The following ANKEF1 variants were observed in gnomAD, a reference collection of about 807,000 sequenced individuals.
The protein encoded by ANKEF1 is ankyrin repeat and EF-hand domain-containing protein 1.
In ANKEF1, 43 loss-of-function variants were observed where a neutral mutation model predicts 65.1. The ratio of observed to expected loss-of-function variants is 0.66; its 90% CI spans 0.52 to 0.85. The LOEUF (loss-of-function observed/expected upper bound fraction) is 0.85. Ranked by LOEUF, ANKEF1 falls within the 40% of genes least tolerant of loss-of-function variation. ANKEF1 has a pLI of 0.00. For synonymous variants in ANKEF1, 316 were observed against 341.5 expected (o/e 0.93, Z 0.82); for missense variants, 934 against 952.9 (o/e 0.98, Z 0.26).
At chr20:10,054,662 C>T in intron 10 of ANKEF1, 63 bp downstream of exon 10, 1 of 1,497,000 alleles carries the variant, frequency 6.7e-7, no homozygotes, top group Non-Finnish European at 9.0e-7. Flanking sequence ...TTTTCAAAAG[C>T]TTTTTATGTA....
chr20:10,053,333 G>A (rs1193532398), intron 9 of ANKEF1, 58 bp downstream of exon 9: 4 of 1,499,784 alleles, frequency 2.7e-6, no homozygotes, highest in Admixed American at 2.2e-5. Context: ...ATCTGTTTGG[G>A]GGAAGGCAGA....
chr20:10,047,571 G>A (rs541043231), intron 6 of ANKEF1, among the ~76,000 whole-genome samples: 7 of 152,140 alleles, frequency 4.6e-5, no homozygotes, highest in African/African-American at 9.6e-5. Flanking sequence ...GTCCTCTTTC[G>A]CCCCCTCGTC....
rs1056398348 is a variant in ANKEF1 at position 10,049,511 on chromosome 20, C to T, written c.942C>T (p.Ala314=). ...CAGAGAGAATCGCTAATAAACTAGC[C>T]AGGCCAGGAGCCAAAAATCCAAATC... ...RRAERIANKL[A]RPGAKNPNPL... is the part of the protein sequence containing the mutation. Residue 314 remains alanine (A), a synonymous_variant, in exon 7 of 11, where the codon GCC becomes GCT. Transcript: ENST00000378392. 6.2e-7 allele frequency: 1 copy of T among 1,614,128 alleles called. No homozygotes were observed. The highest frequency in any genetic ancestry group is 1.6e-4 in the Middle Eastern group (1 of 6,062).
At position 10,056,573 on chromosome 20, in the gene ANKEF1, G is replaced by A. The variant is rs2122293146; in HGVS notation, c.*913G>A. ...CAAATAATTGGTTTACATAATTTTG[G>A]GCCCCAGATGGTTAAGTGCTAAATT... is the stretch of plus-strand genomic sequence containing the variant. On this transcript the variant is annotated 3_prime_UTR_variant, in exon 11 of 11. Coordinates refer to ENST00000378392, the MANE Select transcript of ANKEF1 (RefSeq NM_022096.6). 6.6e-6 allele frequency: 1 copy of A among 151,754 alleles called. No individual in the cohort carries two copies. Among genetic ancestry groups the A allele is most frequent in the Non-Finnish European group, 1.5e-5 (1 of 67,896 alleles). 9.4% of individuals were successfully genotyped at this position (151,754 alleles called of 1,614,324 possible). A position where few individuals can be genotyped will look rare whatever the true frequency, so the allele number is the denominator to read the frequency against.
At chr20:10,053,891 A>G (rs771828654) in intron 9 of ANKEF1, among the ~76,000 whole-genome samples, 2 of 152,192 alleles carry the variant, frequency 1.3e-5, no homozygotes, top group African/African-American at 4.8e-5. Context: ...GTTGTTGCCC[A>G]TGGGAGTTAC....
In ANKEF1 at chr20:10,049,866, C is replaced by A; in HGVS notation, c.1297C>A (p.Leu433Ile). ...AAAGAAAGGGAAATTTGTCTTACCC[C>A]TTCCAATCTGTGTCATTCCTGAGTA... ...KGKKGKFVLP[L>I]PICVIPEYAF... The change falls in exon 7 of 11, where the codon CTT becomes ATT. Residue 433 changes from leucine to isoleucine, a missense_variant. Leu to Ile is a conservative substitution (Grantham distance 5). Coordinates refer to ENST00000378392, the MANE Select transcript of ANKEF1 (RefSeq NM_022096.6). 6.2e-7 allele frequency: 1 copy of A among 1,614,150 alleles called. No individual in the cohort carries two copies. Among genetic ancestry groups the A allele is most frequent in the Non-Finnish European group, 8.5e-7 (1 of 1,180,020 alleles).
chr20:10,055,931 GTCAAAAGATTT>G lies in ANKEF1; in HGVS notation c.*272_*282del. 2.8e-6 allele frequency: 1 copy of G among 360,368 alleles called. No individual in the cohort carries two copies. The allele number at this position is 360,368 out of a possible 1,614,324, so 22.3% of individuals were successfully genotyped here. On this transcript the variant is annotated 3_prime_UTR_variant, in exon 11 of 11. Coordinates refer to ENST00000378392, the MANE Select transcript of ANKEF1 (RefSeq NM_022096.6). ...TGGCATGTGGGTTATAAACGTTGCT[GTCAAAAGATTT>G]ACCAGGTCTACACCATTATGCTTAT...
At chr20:10,045,553 T>C in intron 5 of ANKEF1, 21 bp from the exon 6 acceptor site, 9 of 1,611,502 alleles carry the variant, frequency 5.6e-6, no homozygotes, top group Non-Finnish European at 7.6e-6. Context: ...TCCTCCACAA[T>C]ATCCACTATT....
Position 10,044,397 on chromosome 20 carries a change from A to G in ANKEF1, c.550A>G (p.Thr184Ala). 1 of 1,613,976 alleles carries G rather than the reference A, an allele frequency of 6.2e-7. No homozygotes were observed. Among genetic ancestry groups the G allele is most frequent in the Non-Finnish European group, 8.5e-7 (1 of 1,179,902 alleles). The change falls in exon 5 of 11, where the codon ACA (threonine) becomes GCA (alanine). Residue 184 changes from threonine to alanine, a missense_variant. Thr to Ala is a moderately conservative substitution (Grantham distance 58). Coordinates refer to ENST00000378392, the MANE Select transcript of ANKEF1 (RefSeq NM_022096.6). ...TATTGGACTATTTCATGTCCAGTCC[A>G]CAGGCCGCACAGCTTTAATGGAAGC... ...GANPNAINSS[T>A]GRTALMEASR...
At chr20:10,035,734 C>G (rs1257773975) in intron 2 of ANKEF1, 92 bp downstream of exon 2, 1 of 152,164 alleles carries the variant, frequency 6.6e-6, no homozygotes, top group Non-Finnish European at 1.5e-5. Flanking sequence ...CACCTCAAAC[C>G]CTACATTCCA....
At position 10,044,558 on chromosome 20, in the gene ANKEF1, T is replaced by C; in HGVS notation, c.696+15T>C. ...GCTTTTTCGATGTAATAATCTATTC[T>C]TTGCTTTAAAATTTGTTGCTAAAAC... On this transcript the variant is annotated intron_variant, in intron 5 of 10. Transcript: ENST00000378392. The C allele has an allele frequency of 6.2e-7, 1 of 1,610,872 alleles. No homozygotes were observed. Among genetic ancestry groups the C allele is most frequent in the Non-Finnish European group, 8.5e-7 (1 of 1,178,616 alleles).
Position 10,049,574 on chromosome 20 carries a change from A to T in ANKEF1, c.1005A>T (p.Glu335Asp), listed in dbSNP as rs1984718453. The change falls in exon 7 of 11, where the codon GAA becomes GAT. Residue 335 changes from glutamate to aspartate, a missense_variant. By Grantham distance (45) the Glu-to-Asp change is conservative. Coordinates refer to ENST00000378392, the MANE Select transcript of ANKEF1 (RefSeq NM_022096.6). ...WALRLHDWSV[E>D]REAFLREAFA... ...TTAGACTGCACGATTGGTCCGTAGA[A>T]CGTGAGGCTTTCCTCCGGGAAGCCT... 6.2e-7 allele frequency: 1 copy of T among 1,614,006 alleles called. No homozygotes were observed. The highest frequency in any genetic ancestry group is 1.1e-5 in the South Asian group (1 of 91,084).
chr20:10,051,062 A>G (rs1984832552), intron 7 of ANKEF1, among the ~76,000 whole-genome samples: 1 of 152,172 alleles, frequency 6.6e-6, no homozygotes, highest in Non-Finnish European at 1.5e-5. Flanking sequence ...TCTGTCATGT[A>G]TGTAATGAGA....
intron 9 of ANKEF1, among the ~76,000 whole-genome samples, 199 bp from the exon 10 acceptor site, chr20:10,054,263 T>G (rs1283821486): frequency 6.6e-6 from 1 of 152,178 alleles, no homozygotes; most frequent in Non-Finnish European, 1.5e-5. Context: ...CCAATACTTC[T>G]AATTAAAGTT....
In ANKEF1 at chr20:10,056,668, A is replaced by G. The variant is rs900123434; in HGVS notation, c.*1008A>G. ...GCTGTCCCTGAAGTCCACAAGTGGA[A>G]TTTCTTCTTCATCATGGAAACCTCA... On this transcript the variant is annotated 3_prime_UTR_variant, in exon 11 of 11. Coordinates refer to ENST00000378392, the MANE Select transcript of ANKEF1 (RefSeq NM_022096.6). 6.6e-6 allele frequency: 1 copy of G among 152,082 alleles called. No homozygotes were observed. Among genetic ancestry groups the G allele is most frequent in the Non-Finnish European group, 1.5e-5 (1 of 68,024 alleles). The allele number at this position is 152,082 out of a possible 1,614,324, so 9.4% of individuals were successfully genotyped here.
At chr20:10,055,403 T>C (rs1489292566) in intron 10 of ANKEF1, 99 bp from the exon 11 acceptor site, 1 of 1,131,174 alleles carries the variant, frequency 8.8e-7, no homozygotes, top group Non-Finnish European at 1.3e-6. Flanking sequence ...TAAACAAATT[T>C]TTAAGTTAAA....
At chr20:10,040,512 T>C (rs1984121571) in intron 3 of ANKEF1, 1 of 152,222 alleles carries the variant, frequency 6.6e-6, no homozygotes, top group South Asian at 2.1e-4. Flanking sequence ...ACATTCTTTC[T>C]TGTATGTTGT....
chr20:10,043,383 T>C (rs1984314008), intron 4 of ANKEF1, 62 bp downstream of exon 4: 1 of 1,475,610 alleles, frequency 6.8e-7, no homozygotes, highest in African/African-American at 1.4e-5. Context: ...TATAATCTTT[T>C]CATTTAAATA....
Position 10,053,118 on chromosome 20 carries a change from G to C in ANKEF1, c.1877G>C (p.Ser626Thr), listed in dbSNP as rs781438961. The C allele has an allele frequency of 1.5e-5, 24 of 1,590,274 alleles. No individual in the cohort carries two copies. Among genetic ancestry groups the C allele is most frequent in the Non-Finnish European group, 2.0e-5 (24 of 1,172,942 alleles). The change falls in exon 9 of 11, where the codon AGT (serine) becomes ACT (threonine). Residue 626 changes from serine to threonine, a missense_variant. Coordinates refer to ENST00000378392, the MANE Select transcript of ANKEF1 (RefSeq NM_022096.6). ...KFQLENRKGHSAMDVAKAYAD... is the reference protein window; with the variant it reads ...KFQLENRKGHTAMDVAKAYAD... ...TATGTTTATGTTTCAACAGGGCATA[G>C]TGCCATGGACGTTGCAAAGGCATAT...
Sources: allele counts gnomAD v4.1 joint callset (sites outside exome capture counted in the v4.1 genomes callset), GRCh38; gene constraint gnomAD v4.1.1; transcripts MANE v1.5; gene names NCBI Gene and HGNC (gene_info 2026-07-23, HGNC 2026-07-21).